The following MACROD2 variants were observed in gnomAD, a reference collection of about 807,000 sequenced individuals.
MACROD2 encodes the protein mono-ADP ribosylhydrolase 2, also known as ADP-ribose glycohydrolase MACROD2.
Under a neutral mutation model 70.4 loss-of-function variants are expected in MACROD2, and 36 were observed. The ratio of observed to expected loss-of-function variants is 0.51; its 90% CI spans 0.39 to 0.68. The LOEUF is 0.68. Among genes scored for constraint, MACROD2 ranks in the 30% least tolerant of loss-of-function variants. MACROD2 has a pLI of 0.00. For synonymous variants in MACROD2, 172 were observed against 178.8 expected (o/e 0.96, Z 0.30); for missense variants, 496 against 538.4 (o/e 0.92, Z 0.78).
intron 6 of MACROD2, among the ~76,000 whole-genome samples, chr20:15,351,876 G>C (rs1280761739): frequency 6.6e-6 from 1 of 152,164 alleles, no homozygotes; most frequent in East Asian, 1.9e-4. Flanking sequence ...CTTGCCAAAG[G>C]TTTAGAAGGG....
intron 10 of MACROD2, among the ~76,000 whole-genome samples, chr20:15,917,737 C>T (rs1018399000): frequency 3.3e-5 from 5 of 151,880 alleles, no homozygotes; most frequent in Admixed American, 1.3e-4. Context: ...AAAAAATCTA[C>T]GTTTTATTTT....
chr20:15,867,606 G>T (rs2064511775), intron 9 of MACROD2, among the ~76,000 whole-genome samples: 1 of 151,950 alleles, frequency 6.6e-6, no homozygotes, highest in Non-Finnish European at 1.5e-5. Flanking sequence ...TCAGTGTGTA[G>T]AATTTATTGT....
At chr20:15,390,676 G>T (rs2099262835) in intron 6 of MACROD2, among the ~76,000 whole-genome samples, 1 of 151,920 alleles carries the variant, frequency 6.6e-6, no homozygotes, top group South Asian at 2.1e-4. Flanking sequence ...GAAAATAAAA[G>T]TTCCAACTTT....
At chr20:14,411,116 C>A (rs1199118981) in intron 3 of MACROD2, among the ~76,000 whole-genome samples, 2 of 152,104 alleles carry the variant, frequency 1.3e-5, no homozygotes, top group Non-Finnish European at 2.9e-5. Context: ...TGGCATTCTT[C>A]CCTGGGGGAA....
chr20:14,548,238 C>T (rs1004734965), intron 4 of MACROD2, among the ~76,000 whole-genome samples: 1 of 152,134 alleles, frequency 6.6e-6, no homozygotes, highest in African/African-American at 2.4e-5. Context: ...TTTTCAGAAT[C>T]AGAGTATGAA....
At chr20:14,603,011 T>C (rs939848055) in intron 4 of MACROD2, among the ~76,000 whole-genome samples, 1 of 152,308 alleles carries the variant, frequency 6.6e-6, no homozygotes, top group Non-Finnish European at 1.5e-5. Flanking sequence ...AGACAACAAA[T>C]ATCACCACTA....
intron 8 of MACROD2, among the ~76,000 whole-genome samples, chr20:15,795,600 C>T (rs2063665698): frequency 6.6e-6 from 1 of 152,162 alleles, no homozygotes; most frequent in East Asian, 1.9e-4. Context: ...GCTTCTCTCT[C>T]AGTGAAAGAC....
intron 4 of MACROD2, among the ~76,000 whole-genome samples, chr20:14,572,826 C>T (rs1315956738): frequency 6.6e-6 from 1 of 151,094 alleles, no homozygotes; most frequent in Non-Finnish European, 1.5e-5. Context: ...ATGATCAGTG[C>T]TAATATATAA....
intron 5 of MACROD2, among the ~76,000 whole-genome samples, chr20:15,106,930 T>C (rs2075915015): frequency 1.3e-5 from 2 of 150,758 alleles, no homozygotes; most frequent in African/African-American, 2.5e-5. Context: ...ATATATGCAT[T>C]AAATATCACA....
intron 12 of MACROD2, among the ~76,000 whole-genome samples, chr20:15,967,173 C>T (rs1231670851): frequency 6.6e-6 from 1 of 152,146 alleles, no homozygotes; most frequent in Non-Finnish European, 1.5e-5. Context: ...CATATGTGAG[C>T]AACCACAGTA....
intron 12 of MACROD2, among the ~76,000 whole-genome samples, chr20:15,943,215 A>G (rs2065774455): frequency 6.6e-6 from 1 of 152,174 alleles, no homozygotes; most frequent in African/African-American, 2.4e-5. Flanking sequence ...TATTCCAACC[A>G]CTGAGCACTG....
At chr20:15,244,160 C>T (rs181717147) in intron 6 of MACROD2, among the ~76,000 whole-genome samples, 444 of 152,122 alleles carry the variant, frequency 2.9e-3, no homozygotes, top group Non-Finnish European at 4.7e-3. Context: ...AATTTCTTTG[C>T]ATCCTTTCCA....
intron 8 of MACROD2, among the ~76,000 whole-genome samples, chr20:15,551,263 C>T (rs561498379): frequency 1.3e-5 from 2 of 151,948 alleles, no homozygotes; most frequent in African/African-American, 4.8e-5. Flanking sequence ...AGTCAACACA[C>T]TCTGACTACT....
At chr20:14,888,371 A>G (rs958965315) in intron 5 of MACROD2, 1 of 152,232 alleles carries the variant, frequency 6.6e-6, no homozygotes. Context: ...CACTGCATTC[A>G]GCTTGCCAGT....
intron 8 of MACROD2, among the ~76,000 whole-genome samples, chr20:15,687,007 CT>C (rs112312068): frequency 0.28 from 33,795 of 122,028 alleles, 4,307 homozygotes; most frequent in African/African-American, 0.46. Context: ...TTTTTTTTTT[CT>C]TTTTTTTTTG....
chr20:14,721,991 C>G (rs548551691), intron 5 of MACROD2, among the ~76,000 whole-genome samples: 61 of 152,292 alleles, frequency 4.0e-4, no homozygotes, highest in African/African-American at 1.1e-3. Flanking sequence ...CTCTGGGGCT[C>G]AGTTCCTGAC....
At chr20:14,071,325 A>T (rs2053838886) in intron 2 of MACROD2, among the ~76,000 whole-genome samples, 1 of 123,406 alleles carries the variant, frequency 8.1e-6, no homozygotes, top group African/African-American at 3.1e-5. Context: ...CAGTGGCGCG[A>T]TCTCAGCTCA....
At chr20:15,178,656 C>T (rs1168669873) in intron 5 of MACROD2, among the ~76,000 whole-genome samples, 1 of 152,196 alleles carries the variant, frequency 6.6e-6, no homozygotes, top group African/African-American at 2.4e-5. Context: ...ATCTCTGTGT[C>T]CTGCACCTCC....
intron 2 of MACROD2, among the ~76,000 whole-genome samples, chr20:14,022,357 C>T (rs981866222): frequency 2.0e-5 from 3 of 151,702 alleles, no homozygotes; most frequent in African/African-American, 7.3e-5. Flanking sequence ...TATCATGTAT[C>T]ATCTTTGAAC....
Sources: gnomAD v4.1 joint callset for allele counts (sites outside exome capture counted in the v4.1 genomes callset) on GRCh38, gnomAD v4.1.1 for gene constraint, MANE v1.5 for transcripts, NCBI Gene and HGNC (gene_info 2026-07-23, HGNC 2026-07-21) for gene names.